MPHOSPH9: variants seen among roughly 807,000 people sequenced by gnomAD.
MPHOSPH9 encodes the protein M-phase phosphoprotein 9.
A neutral mutation model predicts 145.5 loss-of-function variants in MPHOSPH9; 88 were observed. The observed-to-expected ratio is 0.60, with a 90% confidence interval of 0.51 to 0.72. The LOEUF (loss-of-function observed/expected upper bound fraction) is 0.72. Ranked by LOEUF, MPHOSPH9 falls within the 30% of genes least tolerant of loss-of-function variation. The probability of loss-of-function intolerance (pLI) is 0.00; values close to 1 mark genes in which losing one functional copy is unlikely to be tolerated. For synonymous variants in MPHOSPH9, 435 were observed against 486.2 expected (o/e 0.89, Z 1.39); for missense variants, 1,238 against 1,386.6 (o/e 0.89, Z 1.70).
intron 23 of MPHOSPH9, 133 bp from the exon 24 acceptor site, chr12:123,157,041 A>C (rs2043896276): frequency 1.8e-6 from 1 of 552,360 alleles, no homozygotes; most frequent in Admixed American, 3.1e-5. Flanking sequence ...TTTCTACACG[A>C]AACATCTTAT....
chr12:123,201,564 G>C (rs895720725), intron 11 of MPHOSPH9, among the ~76,000 whole-genome samples: 2 of 152,038 alleles, frequency 1.3e-5, no homozygotes, highest in Admixed American at 6.6e-5. Context: ...ATTTTTTGTA[G>C]AGACAGGGTT....
chr12:123,163,584 G>A (rs1047208027), intron 19 of MPHOSPH9, among the ~76,000 whole-genome samples: 1 of 42,398 alleles, frequency 2.4e-5, no homozygotes, highest in Non-Finnish European at 4.1e-5. Context: ...TACATAAGAA[G>A]TATATTTGAG....
intron 13 of MPHOSPH9, among the ~76,000 whole-genome samples, chr12:123,190,577 A>C (rs2045634982): frequency 6.6e-6 from 1 of 152,230 alleles, no homozygotes; most frequent in South Asian, 2.1e-4. Context: ...TAAAAGCTGA[A>C]TGTGTCAACA....
At chr12:123,223,976 C>A (rs1473426609) in intron 3 of MPHOSPH9, among the ~76,000 whole-genome samples, 2 of 151,534 alleles carry the variant, frequency 1.3e-5, no homozygotes, top group Non-Finnish European at 2.9e-5. Context: ...GTTCTCTCAC[C>A]CAGGCTGGAG....
chr12:123,215,696 A>G (rs1240347545), intron 6 of MPHOSPH9, among the ~76,000 whole-genome samples: 2 of 152,188 alleles, frequency 1.3e-5, no homozygotes, highest in Non-Finnish European at 2.9e-5. Flanking sequence ...CTGTCGCAAG[A>G]AATGTGTTTC....
intron 4 of MPHOSPH9, 37 bp from the exon 5 acceptor site, chr12:123,221,932 A>G (rs1032323655): frequency 1.9e-6 from 2 of 1,067,246 alleles, no homozygotes; most frequent in African/African-American, 1.6e-5. Context: ...GTAAGAAAGT[A>G]TATTAAACAT....
chr12:123,169,042 G>A (rs186028527), intron 16 of MPHOSPH9, among the ~76,000 whole-genome samples: 7 of 150,898 alleles, frequency 4.6e-5, no homozygotes, highest in East Asian at 2.0e-4. Context: ...CCACCACCAC[G>A]CCCGGCTAAT....
chr12:123,166,852 A>G (rs1174633645), intron 16 of MPHOSPH9, 63 bp from the exon 17 acceptor site: 6 of 1,522,524 alleles, frequency 3.9e-6, no homozygotes, highest in African/African-American at 1.4e-5. Flanking sequence ...CTGCATGTGC[A>G]TATAAAACAA....
chr12:123,197,192 T>A (rs186574129), intron 12 of MPHOSPH9, among the ~76,000 whole-genome samples: 61 of 151,024 alleles, frequency 4.0e-4, no homozygotes, highest in South Asian at 1.3e-3. Context: ...TAAAAAAAAA[T>A]TTTTTTTTGA....
At chr12:123,241,708 A>G (rs1414386113) in intron 1 of MPHOSPH9, among the ~76,000 whole-genome samples, 4 of 150,776 alleles carry the variant, frequency 2.7e-5, no homozygotes, top group African/African-American at 7.3e-5. Context: ...GGCTCAAGCA[A>G]TCCTCCCACC....
intron 18 of MPHOSPH9, among the ~76,000 whole-genome samples, chr12:123,164,571 C>T (rs1340099281): frequency 1.3e-5 from 2 of 152,176 alleles, no homozygotes; most frequent in African/African-American, 4.8e-5. Flanking sequence ...TACAGATGCT[C>T]AGTAACCAAG....
chr12:123,201,274 G>C (rs185349204), intron 11 of MPHOSPH9, among the ~76,000 whole-genome samples: 1 of 152,084 alleles, frequency 6.6e-6, no homozygotes, highest in African/African-American at 2.4e-5. Context: ...TTAACCAGAC[G>C]GAAGATTTTA....
At chr12:123,225,230 G>T (rs571649347) in intron 3 of MPHOSPH9, among the ~76,000 whole-genome samples, 4 of 146,450 alleles carry the variant, frequency 2.7e-5, no homozygotes, top group Non-Finnish European at 6.0e-5. Context: ...GATCATTTGA[G>T]TTCATGAGTT....
chr12:123,200,176 A>G (rs1394600486), intron 11 of MPHOSPH9, among the ~76,000 whole-genome samples: 1 of 152,036 alleles, frequency 6.6e-6, no homozygotes, highest in Non-Finnish European at 1.5e-5. Context: ...CCAATTTGCA[A>G]TTTTAAGTTT....
Position 123,161,054 on chromosome 12 carries a change from G to C in MPHOSPH9, c.3381+82C>G, listed in dbSNP as rs1245500596. On this transcript the variant is annotated intron_variant, in intron 22 of 23. Coordinates refer to ENST00000606320, the MANE Select transcript of MPHOSPH9 (RefSeq NM_022782.4). ...ATCCCATTGTAATTTCCTGAGACAG[G>C]TTTGACTCAATAATTCCCTTCTCCT... is the stretch of plus-strand genomic sequence containing the variant. 3.3e-6 allele frequency: 5 copies of C among 1,509,986 alleles called. No homozygotes were observed. The East Asian group carries it at 1.2e-4, about 35-fold the overall frequency. 93.5% of individuals were successfully genotyped at this position (1,509,986 alleles called of 1,614,324 possible).
At chr12:123,218,850 A>G (rs1236365077) in intron 5 of MPHOSPH9, among the ~76,000 whole-genome samples, 1 of 147,728 alleles carries the variant, frequency 6.8e-6, no homozygotes, top group Non-Finnish European at 1.5e-5. Context: ...TACTTCACAT[A>G]TAAAGCTAAC....
At chr12:123,227,669 A>G in intron 2 of MPHOSPH9, 53 bp from the exon 3 acceptor site, 1 of 1,416,370 alleles carries the variant, frequency 7.1e-7, no homozygotes, top group Non-Finnish European at 9.3e-7. Context: ...CAAAGTGTTG[A>G]ATAATTCAGC....
intron 8 of MPHOSPH9, among the ~76,000 whole-genome samples, chr12:123,207,664 G>A (rs2046495121): frequency 6.6e-6 from 1 of 152,104 alleles, no homozygotes; most frequent in South Asian, 2.1e-4. Context: ...GAGCAGCCTG[G>A]CCAACATGGT....
At chr12:123,229,821 A>ATTTTTTTT (rs370919298) in intron 2 of MPHOSPH9, among the ~76,000 whole-genome samples, 2 of 135,820 alleles carry the variant, frequency 1.5e-5, no homozygotes, top group Non-Finnish European at 1.6e-5. Flanking sequence ...GTCCCCGAAC[A>ATTTTTTTT]TTTTTTTTTT....
Sources: allele counts gnomAD v4.1 joint callset (sites outside exome capture counted in the v4.1 genomes callset), GRCh38; gene constraint gnomAD v4.1.1; transcripts MANE v1.5; gene names NCBI Gene and HGNC (gene_info 2026-07-23, HGNC 2026-07-21).